The following GUCY2C variants were observed in gnomAD, a reference collection of about 807,000 sequenced individuals.
GUCY2C encodes guanylyl cyclase C.
A neutral mutation model predicts 131.1 loss-of-function variants in GUCY2C; 118 were observed. The observed-to-expected ratio is 0.90, with a 90% confidence interval of 0.78 to 1.05. GUCY2C has a LOEUF of 1.05. Ranked by LOEUF, GUCY2C falls within the 50% of genes least tolerant of loss-of-function variation. The pLI, the probability that GUCY2C is intolerant of heterozygous loss-of-function variation, is 0.00. For synonymous variants in GUCY2C, 452 were observed against 457.8 expected (o/e 0.99, Z 0.16); for missense variants, 1,161 against 1,304.4 (o/e 0.89, Z 1.69).
chr12:14,629,474 G>A (rs1947097392), intron 19 of GUCY2C, among the ~76,000 whole-genome samples: 2 of 152,192 alleles, frequency 1.3e-5, no homozygotes, highest in South Asian at 4.1e-4. Context: ...AATCACGTAT[G>A]TCTTTAAATG....
intron 17 of GUCY2C, among the ~76,000 whole-genome samples, chr12:14,642,181 T>G (rs986982550): frequency 6.6e-6 from 1 of 152,148 alleles, no homozygotes; most frequent in Non-Finnish European, 1.5e-5. Flanking sequence ...AAGTATCGCA[T>G]GTAATTTACT....
At chr12:14,644,407 T>C (rs1411881927) in intron 16 of GUCY2C, among the ~76,000 whole-genome samples, 1 of 152,204 alleles carries the variant, frequency 6.6e-6, no homozygotes. Flanking sequence ...TGTTTTTGGC[T>C]GATGTGCTTC....
chr12:14,623,463 T>C (rs7310383), intron 21 of GUCY2C, among the ~76,000 whole-genome samples: 1 of 152,222 alleles, frequency 6.6e-6, no homozygotes, highest in African/African-American at 2.4e-5. Context: ...GATTCCTAGG[T>C]ACACGACTGG....
intron 11 of GUCY2C, among the ~76,000 whole-genome samples, chr12:14,660,560 A>T (rs974588588): frequency 6.6e-6 from 1 of 152,218 alleles, no homozygotes; most frequent in Non-Finnish European, 1.5e-5. Flanking sequence ...ATGTAATTTA[A>T]TGAGTTTGAT....
chr12:14,640,501 AG>A (rs1331826278), intron 18 of GUCY2C, among the ~76,000 whole-genome samples: 2 of 151,924 alleles, frequency 1.3e-5, no homozygotes, highest in African/African-American at 4.8e-5. Context: ...AAAGAAAAAA[AG>A]AAAAAATGCT....
At chr12:14,666,751 GAGTA>G (rs1394223459) in intron 10 of GUCY2C, among the ~76,000 whole-genome samples, 71 of 141,736 alleles carry the variant, frequency 5.0e-4, no homozygotes, top group Non-Finnish European at 3.2e-4. Flanking sequence ...AAAAAAAAAA[GAGTA>G]AGAAAAGAAA....
intron 10 of GUCY2C, among the ~76,000 whole-genome samples, chr12:14,664,061 T>C (rs1208310546): frequency 6.6e-6 from 1 of 152,172 alleles, no homozygotes; most frequent in Non-Finnish European, 1.5e-5. Context: ...ATTTGAAGGG[T>C]TTATGCTTTG....
intron 15 of GUCY2C, among the ~76,000 whole-genome samples, chr12:14,650,134 TCTATC>T (rs1218853205): frequency 1.3e-5 from 2 of 152,346 alleles, no homozygotes; most frequent in Non-Finnish European, 2.9e-5. Flanking sequence ...ATTTTAAAAT[TCTATC>T]CTATTTTATT....
rs74068080 is a variant in GUCY2C at position 14,686,689 on chromosome 12, A to G, written c.331-464T>C. Among the ~76,000 whole-genome samples the G allele has an allele frequency of 9.9e-3, 1,505 of 152,224 alleles. 13 individuals carry two copies. The highest frequency in any genetic ancestry group is 0.033 in the African/African-American group (1,350 of 41,538). On this transcript the variant is annotated intron_variant, in intron 2 of 26. Coordinates refer to ENST00000261170, the MANE Select transcript of GUCY2C (RefSeq NM_004963.4). ...GTGATTATTGATCTTATTTTCTCCTATTTCTTAAGGGGAATCTGGTTGGGA... is the reference window on the plus strand; with the variant it reads ...GTGATTATTGATCTTATTTTCTCCTGTTTCTTAAGGGGAATCTGGTTGGGA...
chr12:14,694,377 C>T (rs1361830945), intron 1 of GUCY2C, among the ~76,000 whole-genome samples: 1 of 152,178 alleles, frequency 6.6e-6, no homozygotes, highest in African/African-American at 2.4e-5. Context: ...TGCTGTGAAA[C>T]CAGTGTCAAC....
At chr12:14,670,416 G>T (rs908212312) in intron 9 of GUCY2C, among the ~76,000 whole-genome samples, 1 of 152,030 alleles carries the variant, frequency 6.6e-6, no homozygotes, top group Non-Finnish European at 1.5e-5. Flanking sequence ...TAAAATAAAA[G>T]ATTTCATTTT....
Position 14,641,204 on chromosome 12 carries a change from G to T in GUCY2C, c.1946C>A (p.Pro649Gln). 1.2e-6 allele frequency: 2 copies of T among 1,613,442 alleles called. No homozygotes were observed. Among genetic ancestry groups the T allele is most frequent in the South Asian group, 1.1e-5 (1 of 91,038 alleles). ...LPPKKDLWTA[P>Q]EHLRQANISQ... is the part of the protein sequence containing the mutation. The stretch of plus-strand genomic sequence containing the variant: ...GATGTTGGCTTGGCGGAGGTGCTCT[G>T]GAGCTGTCCACAGGTCTGTAAATGT... Residue 649 changes from proline to glutamine, a missense_variant, in exon 18 of 27, where the codon CCA (proline) becomes CAA (glutamine). Coordinates refer to ENST00000261170, the MANE Select transcript of GUCY2C (RefSeq NM_004963.4).
intron 26 of GUCY2C, chr12:14,614,558 GAAA>G: frequency 4.5e-6 from 1 of 224,092 alleles, no homozygotes. Flanking sequence ...ATCCACAGTG[GAAA>G]AAAAAAAAGG....
chr12:14,620,315 GGACTTT>G (rs1270467912), intron 23 of GUCY2C, among the ~76,000 whole-genome samples: 3 of 152,150 alleles, frequency 2.0e-5, no homozygotes, highest in Non-Finnish European at 4.4e-5. Context: ...TCAACTGATG[GGACTTT>G]GACCAAATCA....
At chr12:14,666,171 C>A (rs1203925045) in intron 10 of GUCY2C, among the ~76,000 whole-genome samples, 3 of 152,196 alleles carry the variant, frequency 2.0e-5, no homozygotes, top group Admixed American at 6.5e-5. Context: ...GCCCTCTCAC[C>A]CTAATCTTTT....
intron 19 of GUCY2C, among the ~76,000 whole-genome samples, chr12:14,630,714 TG>T (rs757063022): frequency 1.9e-4 from 29 of 152,304 alleles, no homozygotes; most frequent in Admixed American, 7.2e-4. Flanking sequence ...TCCCTATGGA[TG>T]GAGAGACGAC....
At chr12:14,633,970 A>C (rs908106787) in intron 19 of GUCY2C, among the ~76,000 whole-genome samples, 1 of 152,220 alleles carries the variant, frequency 6.6e-6, no homozygotes, top group South Asian at 2.1e-4. Context: ...AAGAGAAAAC[A>C]AAAGGAATAC....
chr12:14,681,514 TC>T, intron 4 of GUCY2C, 37 bp from the exon 5 acceptor site: 1 of 1,580,792 alleles, frequency 6.3e-7, no homozygotes, highest in Non-Finnish European at 8.7e-7. Context: ...ACAGCTTACT[TC>T]CCTCATGGCC....
At chr12:14,637,391 C>A (rs1311407790) in intron 19 of GUCY2C, among the ~76,000 whole-genome samples, 2 of 151,972 alleles carry the variant, frequency 1.3e-5, no homozygotes, top group Non-Finnish European at 2.9e-5. Flanking sequence ...CAATGTAATC[C>A]TATCAAAATA....
Sources: allele counts gnomAD v4.1 joint callset (sites outside exome capture counted in the v4.1 genomes callset), GRCh38; gene constraint gnomAD v4.1.1; transcripts MANE v1.5; gene names NCBI Gene and HGNC (gene_info 2026-07-23, HGNC 2026-07-21).